The following AGAP1 variants were observed in gnomAD, a reference collection of about 807,000 sequenced individuals.
The protein encoded by AGAP1 is arf-GAP with GTPase, ANK repeat and PH domain-containing protein 1.
Under a neutral mutation model 105.3 loss-of-function variants are expected in AGAP1, and 29 were observed. The observed-to-expected ratio is 0.28, with a 90% CI of 0.21 to 0.38. The LOEUF is 0.38. Among genes scored for constraint, AGAP1 ranks in the 10% least tolerant of loss-of-function variants. The probability of loss-of-function intolerance (pLI) is 1.00; values close to 1 mark genes in which losing one functional copy is unlikely to be tolerated. For synonymous variants in AGAP1, 509 were observed against 485.9 expected (o/e 1.05, Z -0.63); for missense variants, 998 against 1,165.1 (o/e 0.86, Z 2.09).
Position 235,637,195 on chromosome 2 carries a change from G to C in AGAP1, c.164-71984G>C, listed in dbSNP as rs564718944. Among the ~76,000 whole-genome samples, 3 of 152,258 alleles carry C rather than the reference G, an allele frequency of 2.0e-5. No homozygotes were observed. The East Asian group carries it at 5.8e-4, about 29-fold the overall frequency. On this transcript the variant is annotated intron_variant, in intron 1 of 17. Transcript: ENST00000304032. Reference sequence around the variant, plus strand: ...AGGTGCCACTGGTCTCAGTTTCTTTGTCTGTAAAATGAGGCTAAGACCTGC... The same window carrying C: ...AGGTGCCACTGGTCTCAGTTTCTTTCTCTGTAAAATGAGGCTAAGACCTGC...
intron 10 of AGAP1, among the ~76,000 whole-genome samples, chr2:235,907,843 T>C (rs1347644475): frequency 3.9e-5 from 6 of 152,220 alleles, no homozygotes; most frequent in Admixed American, 3.3e-4. Context: ...TTAATTGTTA[T>C]ATTGTTACAG....
intron 15 of AGAP1, among the ~76,000 whole-genome samples, chr2:236,047,512 C>A (rs1302903913): frequency 2.0e-5 from 3 of 150,304 alleles, no homozygotes; most frequent in African/African-American, 7.3e-5. Context: ...CTGTTCTCTT[C>A]TGCTTGGGTT....
chr2:235,505,644 G>C (rs532807214), intron 1 of AGAP1: 1 of 152,110 alleles, frequency 6.6e-6, no homozygotes, highest in Non-Finnish European at 1.5e-5. Context: ...GGTAGAGATC[G>C]CAGCCACACA....
rs143384097 is a variant in AGAP1, at chr2:236,119,167, G to A, written c.2115-1025G>A. Among the ~76,000 whole-genome samples, 183 of 152,096 alleles carry A rather than the reference G, an allele frequency of 1.2e-3. 1 individual carries two copies. Among genetic ancestry groups the A allele is most frequent in the African/African-American group, 3.8e-3 (159 of 41,498 alleles). On this transcript the variant is annotated intron_variant, in intron 16 of 17. Transcript: ENST00000304032. This position sits in a 1 kb window ranked among gnomAD's most constrained non-coding sequence, Gnocchi z 6.6. The stretch of plus-strand genomic sequence containing the variant: ...TCAGCCAGGTTGTGATGCTGGGGCC[G>A]GGGCGGGCAGGCATCAGCATCATCC...
chr2:235,799,394 G>T lies in AGAP1; in HGVS notation c.829G>T (p.Asp277Tyr). The change falls in exon 8 of 18, where the codon GAC becomes TAC. Residue 277 changes from aspartate to tyrosine, a missense_variant. Physicochemically the swap from Asp to Tyr is radical, Grantham distance 160. Transcript: ENST00000304032. This position sits in a 1 kb window ranked among gnomAD's most constrained non-coding sequence, Gnocchi z 5.0. ...AAGTAATGGAGGTGGGAGTTTAAGC[G>T]ACTATTCCTCCTCCGTTCCATCGAC... ...QTSNGGGSLSDYSSSVPSTPS... is the reference protein window; with the variant it reads ...QTSNGGGSLSYYSSSVPSTPS... 6.2e-7 allele frequency: 1 copy of T among 1,614,114 alleles called. No homozygotes were observed. The highest frequency in any genetic ancestry group is 8.5e-7 in the Non-Finnish European group (1 of 1,180,032).
intron 1 of AGAP1, among the ~76,000 whole-genome samples, chr2:235,548,278 G>C (rs992474095): frequency 6.6e-5 from 10 of 152,176 alleles, no homozygotes; most frequent in Admixed American, 4.6e-4. Context: ...TGCACTGCAG[G>C]CTGGTGCTGC....
Position 235,494,536 on chromosome 2 carries a change from C to T in AGAP1, c.-151C>T, listed in dbSNP as rs962577043. 6.7e-6 allele frequency: 1 copy of T among 148,536 alleles called. No individual in the cohort carries two copies. Among genetic ancestry groups the T allele is most frequent in the African/African-American group, 2.5e-5 (1 of 39,976 alleles). 9.2% of individuals were successfully genotyped at this position (148,536 alleles called of 1,614,324 possible). A position where few individuals can be genotyped will look rare whatever the true frequency, so the allele number is the denominator to read the frequency against. On this transcript the variant is annotated 5_prime_UTR_variant, in exon 1 of 18. Transcript: ENST00000304032. The stretch of plus-strand genomic sequence containing the variant: ...GCGGGCCAGCCCCGCGCCTGCTCCG[C>T]CCGCGCCTTTCTTCTCGCGCCTCCT...
At chr2:235,880,713 C>T (rs1251668172) in intron 9 of AGAP1, among the ~76,000 whole-genome samples, 1 of 150,584 alleles carries the variant, frequency 6.6e-6, no homozygotes, top group African/African-American at 2.5e-5. Context: ...GCACTGCAGC[C>T]TGGGCGACAG....
intron 1 of AGAP1, among the ~76,000 whole-genome samples, chr2:235,541,487 A>G (rs1341529096): frequency 1.4e-5 from 2 of 140,894 alleles, no homozygotes; most frequent in Non-Finnish European, 3.0e-5. Context: ...TCCCGGGTTC[A>G]CACCATTCTC....
intron 14 of AGAP1, among the ~76,000 whole-genome samples, chr2:236,039,367 C>T (rs1001756895): frequency 1.3e-5 from 2 of 152,070 alleles, no homozygotes; most frequent in Non-Finnish European, 2.9e-5. Context: ...ACCACTTGAG[C>T]CCAGGAGATG....
intron 1 of AGAP1, among the ~76,000 whole-genome samples, chr2:235,641,322 TCCTC>T: frequency 6.7e-6 from 1 of 149,854 alleles, no homozygotes; most frequent in East Asian, 2.0e-4. Context: ...TTTCTCTTTC[TCCTC>T]CCTCCCTCCC....
At chr2:236,031,649 G>A (rs1190717688) in intron 13 of AGAP1, among the ~76,000 whole-genome samples, 1 of 152,138 alleles carries the variant, frequency 6.6e-6, no homozygotes, top group African/African-American at 2.4e-5. Flanking sequence ...AACCCCCAGG[G>A]AGCAGAACCC....
intron 9 of AGAP1, among the ~76,000 whole-genome samples, chr2:235,815,373 C>T (rs911404235): frequency 4.6e-5 from 7 of 152,338 alleles, no homozygotes; most frequent in South Asian, 4.1e-4. Flanking sequence ...CATGTGCACA[C>T]GCCTGGTGTC....
At chr2:235,868,334 C>T (rs965196604) in intron 9 of AGAP1, among the ~76,000 whole-genome samples, 6 of 152,084 alleles carry the variant, frequency 3.9e-5, no homozygotes, top group African/African-American at 1.4e-4. Context: ...GATCTCATTG[C>T]GAAATCACAC....
In AGAP1 at chr2:236,125,477, A is replaced by G. The variant is rs1277805342; in HGVS notation, c.*1355A>G. 1 of 152,268 alleles carries G rather than the reference A, an allele frequency of 6.6e-6. No individual in the cohort carries two copies. Among genetic ancestry groups the G allele is most frequent in the Non-Finnish European group, 1.5e-5 (1 of 68,050 alleles). 9.4% of individuals were successfully genotyped at this position (152,268 alleles called of 1,614,324 possible). A position where few individuals can be genotyped will look rare whatever the true frequency, so the allele number is the denominator to read the frequency against. ...TTTGCTTATTAAAATTGAGAAAGAA[A>G]AAAAAAGACACACTGGAGTATATTA... On this transcript the variant is annotated 3_prime_UTR_variant, in exon 18 of 18. Transcript: ENST00000304032. This position sits in a 1 kb window ranked among gnomAD's most constrained non-coding sequence, Gnocchi z 5.2.
Position 235,750,337 on chromosome 2 carries a change from T to A in AGAP1, c.539-17T>A. The A allele has an allele frequency of 2.5e-6, 4 of 1,614,036 alleles. No homozygotes were observed. The highest frequency in any genetic ancestry group is 3.4e-6 in the Non-Finnish European group (4 of 1,179,902). Reference sequence around the variant, plus strand: ...GTCATTGTCACTGTGCCGTTACTTTTTGGTCTTCTGTTCCAGATGCCATAA... The same window carrying A: ...GTCATTGTCACTGTGCCGTTACTTTATGGTCTTCTGTTCCAGATGCCATAA... On this transcript the variant is annotated splice_polypyrimidine_tract_variant and intron_variant, in intron 5 of 17. Coordinates refer to ENST00000304032, the MANE Select transcript of AGAP1 (RefSeq NM_001037131.3). The surrounding 1 kb of genome is among the most constrained non-coding windows in gnomAD (Gnocchi z 5.3).
intron 16 of AGAP1, among the ~76,000 whole-genome samples, chr2:236,111,473 G>A (rs1282399117): frequency 6.7e-6 from 1 of 150,294 alleles, no homozygotes; most frequent in Non-Finnish European, 1.5e-5. Flanking sequence ...CCCAGCCTGG[G>A]CAGTATAGCA....
At position 235,855,066 on chromosome 2, in the gene AGAP1, A is replaced by C. The variant is rs1411101757; in HGVS notation, c.1051-28279A>C. On this transcript the variant is annotated intron_variant, in intron 9 of 17. Transcript: ENST00000304032. This position sits in a 1 kb window ranked among gnomAD's most constrained non-coding sequence, Gnocchi z 5.0. ...CAGTTATTTTAAACTAGGGTGACTA[A>C]TGGACCCTTATTTCGTGAAGGAACA... 6.6e-6 allele frequency among the ~76,000 whole-genome samples: 1 copy of C among 152,210 alleles called. No homozygotes were observed. The highest frequency in any genetic ancestry group is 1.5e-5 in the Non-Finnish European group (1 of 68,034).
rs1203674676 is a variant in AGAP1, at chr2:235,635,375, C to T, written c.164-73804C>T. 6.6e-6 allele frequency among the ~76,000 whole-genome samples: 1 copy of T among 152,196 alleles called. No homozygotes were observed. Among genetic ancestry groups the T allele is most frequent in the African/African-American group, 2.4e-5 (1 of 41,444 alleles). On this transcript the variant is annotated intron_variant, in intron 1 of 17. Transcript: ENST00000304032. This position sits in a 1 kb window ranked among gnomAD's most constrained non-coding sequence, Gnocchi z 5.3. ...GACATTTCTCCGTTTCTCCTTTTCT[C>T]TGCCCGTAGGATTGACTTTCATCTT...
Sources: gnomAD v4.1 joint callset for allele counts (sites outside exome capture counted in the v4.1 genomes callset) on GRCh38, gnomAD v4.1.1 for gene constraint, Gnocchi (gnomAD v3.1) non-coding constraint, MANE v1.5 for transcripts, NCBI Gene and HGNC (gene_info 2026-07-23, HGNC 2026-07-21) for gene names.